Variants in CTNNA2 observed in about 807,000 individuals in gnomAD.
The protein encoded by CTNNA2 is catenin alpha 2.
Under a neutral mutation model 101.0 loss-of-function variants are expected in CTNNA2, and 42 were observed. That is an observed-to-expected ratio of 0.42 (90% CI 0.32 to 0.54). The LOEUF (loss-of-function observed/expected upper bound fraction) is 0.54, where lower values mean the gene tolerates loss of function less well. Among genes scored for constraint, CTNNA2 ranks in the 20% least tolerant of loss-of-function variants. The pLI is 0.14. For missense variants in CTNNA2, 871 were observed against 1,223.1 expected (o/e 0.71, Z 4.29); for synonymous variants, 450 against 456.4 (o/e 0.99, Z 0.18).
At chr2:80,343,611 T>C (rs1672439020) in intron 7 of CTNNA2, among the ~76,000 whole-genome samples, 1 of 152,110 alleles carries the variant, frequency 6.6e-6, no homozygotes, top group African/African-American at 2.4e-5. Flanking sequence ...AAATTCAGGA[T>C]AAAGGGCACA....
At chr2:79,589,723 C>G (rs1456018362) in intron 1 of CTNNA2, among the ~76,000 whole-genome samples, 1 of 151,012 alleles carries the variant, frequency 6.6e-6, no homozygotes, top group African/African-American at 2.4e-5. Flanking sequence ...TTTTTCCCCC[C>G]CCCGAGACAC....
At chr2:80,118,408 A>G (rs1050818633) in intron 7 of CTNNA2, among the ~76,000 whole-genome samples, 29 of 152,220 alleles carry the variant, frequency 1.9e-4, no homozygotes, top group Non-Finnish European at 3.4e-4. Context: ...GCCTTTCCAA[A>G]TAGCAGAAAT....
chr2:80,622,928 A>T (rs1671282798), intron 18 of CTNNA2, among the ~76,000 whole-genome samples: 1 of 151,460 alleles, frequency 6.6e-6, no homozygotes, highest in Non-Finnish European at 1.5e-5. Context: ...CATCAGAATT[A>T]GCTTCTAGAA....
At chr2:80,515,852 A>G (rs904685866) in intron 9 of CTNNA2, among the ~76,000 whole-genome samples, 5 of 152,226 alleles carry the variant, frequency 3.3e-5, no homozygotes, top group East Asian at 1.9e-4. Context: ...CAAAAGCCTC[A>G]GTATCACTGA....
At chr2:79,204,774 C>A (rs1197071967) in intron 2 of CTNNA2, among the ~76,000 whole-genome samples, 2 of 152,160 alleles carry the variant, frequency 1.3e-5, no homozygotes, top group East Asian at 1.9e-4. Flanking sequence ...ATTGTTGCAT[C>A]CTCCAGAGAA....
intron 6 of CTNNA2, among the ~76,000 whole-genome samples, chr2:79,901,613 C>T (rs892784939): frequency 3.3e-5 from 5 of 152,084 alleles, no homozygotes; most frequent in African/African-American, 1.2e-4. Flanking sequence ...ATTCTGTGTA[C>T]GTTTCAGATG....
chr2:80,548,997 G>T (rs2149641007), intron 11 of CTNNA2, among the ~76,000 whole-genome samples: 1 of 152,192 alleles, frequency 6.6e-6, no homozygotes, highest in South Asian at 2.1e-4. Flanking sequence ...TTTTTTTAAT[G>T]CTACCCTAAC....
intron 3 of CTNNA2, among the ~76,000 whole-genome samples, chr2:79,747,718 TTGGAGTAACAAATTTC>T (rs1333199066): frequency 6.6e-6 from 1 of 152,178 alleles, no homozygotes; most frequent in Non-Finnish European, 1.5e-5. Context: ...CCTAGGAGTA[TTGGAGTAACAAATTTC>T]TACAGATGCT....
At chr2:79,715,205 CAAAAAA>C (rs140432724) in intron 2 of CTNNA2, among the ~76,000 whole-genome samples, 162 of 66,310 alleles carry the variant, frequency 2.4e-3, no homozygotes, top group South Asian at 0.016. Context: ...AAAATTCCGT[CAAAAAA>C]AAAAAAAAAA....
At chr2:79,666,130 A>G (rs771457703) in intron 2 of CTNNA2, among the ~76,000 whole-genome samples, 3 of 152,228 alleles carry the variant, frequency 2.0e-5, no homozygotes, top group Non-Finnish European at 4.4e-5. Flanking sequence ...TAAAAATTTC[A>G]GGATATTTTA....
chr2:80,013,759 G>A (rs186883684), intron 7 of CTNNA2, among the ~76,000 whole-genome samples: 127 of 152,256 alleles, frequency 8.3e-4, no homozygotes, highest in East Asian at 2.3e-3. Context: ...CATGCTATTG[G>A]CCAGACACTG....
intron 3 of CTNNA2, among the ~76,000 whole-genome samples, chr2:79,812,114 G>A (rs1677089785): frequency 6.6e-6 from 1 of 152,086 alleles, no homozygotes; most frequent in African/African-American, 2.4e-5. Flanking sequence ...CTAAATTTAA[G>A]TATTATTTCC....
chr2:80,125,928 C>T (rs557875687), intron 7 of CTNNA2, among the ~76,000 whole-genome samples: 1 of 152,124 alleles, frequency 6.6e-6, no homozygotes, highest in African/African-American at 2.4e-5. Context: ...AATGGGAATA[C>T]CGAAGCACCT....
At chr2:80,205,943 A>G (rs1018903519) in intron 7 of CTNNA2, among the ~76,000 whole-genome samples, 2 of 152,248 alleles carry the variant, frequency 1.3e-5, no homozygotes, top group African/African-American at 4.8e-5. Context: ...CATTTAAAAC[A>G]TATTTATAAA....
At position 79,993,524 on chromosome 2, in the gene CTNNA2, G is replaced by A. The variant is rs72922649; in HGVS notation, c.1056+83727G>A. On this transcript the variant is annotated intron_variant, in intron 7 of 18. Coordinates refer to ENST00000402739, the MANE Select transcript of CTNNA2 (RefSeq NM_001282597.3). ...GTATACAGTCACATGAAGAAGTGGA[G>A]TAACAACAAAGGTAGTAAATGATTA... Among the ~76,000 whole-genome samples the A allele has an allele frequency of 8.8e-3, 1,345 of 152,328 alleles. 12 individuals are homozygous for A. The highest frequency in any genetic ancestry group is 0.036 in the East Asian group (188 of 5,184).
intron 9 of CTNNA2, among the ~76,000 whole-genome samples, chr2:80,454,073 A>G (rs1683756032): frequency 6.6e-6 from 1 of 152,206 alleles, no homozygotes; most frequent in Non-Finnish European, 1.5e-5. Context: ...GAGAAAGAAA[A>G]ACATTTCGAG....
At chr2:79,415,056 A>G (rs1387977371) in intron 4 of CTNNA2, among the ~76,000 whole-genome samples, 1 of 152,114 alleles carries the variant, frequency 6.6e-6, no homozygotes, top group African/African-American at 2.4e-5. Context: ...TGTGGTTTAG[A>G]TGTGTGTCCT....
chr2:79,990,740 T>C (rs1445843079), intron 7 of CTNNA2, among the ~76,000 whole-genome samples: 1 of 152,106 alleles, frequency 6.6e-6, no homozygotes, highest in Non-Finnish European at 1.5e-5. Context: ...TAAAATTCTC[T>C]TTTTTTGTTG....
At chr2:80,209,710 T>A (rs1049874702) in intron 7 of CTNNA2, among the ~76,000 whole-genome samples, 8 of 152,236 alleles carry the variant, frequency 5.3e-5, no homozygotes, top group Admixed American at 4.6e-4. Flanking sequence ...CATCTGTGCT[T>A]GTACAAAGAG....
Sources: allele counts gnomAD v4.1 joint callset (sites outside exome capture counted in the v4.1 genomes callset), GRCh38; gene constraint gnomAD v4.1.1; transcripts MANE v1.5; gene names NCBI Gene and HGNC (gene_info 2026-07-23, HGNC 2026-07-21).